Variants in SCLT1 observed in about 807,000 individuals in gnomAD.
The protein encoded by SCLT1 is sodium channel and clathrin linker 1.
In SCLT1, 78 loss-of-function variants were observed where a neutral mutation model predicts 112.8. The ratio of observed to expected loss-of-function variants is 0.69; its 90% confidence interval spans 0.58 to 0.83. The LOEUF (loss-of-function observed/expected upper bound fraction) is 0.83. Ranked by LOEUF, SCLT1 falls within the 40% of genes least tolerant of loss-of-function variation. SCLT1 has a pLI of 0.00. For missense variants in SCLT1, 747 were observed against 770.4 expected, an observed-to-expected ratio of 0.97 and a Z score of 0.36; for synonymous variants, 257 against 254.7, an observed-to-expected ratio of 1.01 and a Z score of -0.09.
intron 4 of SCLT1, chr4:129,041,660 G>A (rs796940795): frequency 4.6e-5 from 7 of 152,264 alleles, no homozygotes; most frequent in African/African-American, 1.7e-4. Context: ...AAAAAGAAAA[G>A]GAAGTAAGGG....
intron 15 of SCLT1, among the ~76,000 whole-genome samples, chr4:128,947,112 A>G (rs1383064425): frequency 6.6e-6 from 1 of 152,244 alleles, no homozygotes; most frequent in Non-Finnish European, 1.5e-5. Context: ...ACTGGAATAC[A>G]GATCTAAGCT....
At chr4:129,023,715 C>T (rs1003025645) in intron 5 of SCLT1, among the ~76,000 whole-genome samples, 10 of 152,228 alleles carry the variant, frequency 6.6e-5, no homozygotes, top group Admixed American at 2.0e-4. Context: ...GCACTGTGTG[C>T]GAGCTGAAGC....
chr4:128,883,553 G>GATA (rs1243926431), downstream of SCLT1, among the ~76,000 whole-genome samples: 1 of 151,996 alleles, frequency 6.6e-6, no homozygotes, highest in Non-Finnish European at 1.5e-5. Context: ...CTTAAAATAT[G>GATA]ATAATAATAA....
intron 1 of SCLT1, among the ~76,000 whole-genome samples, chr4:129,092,689 T>C (rs1431752978): frequency 6.6e-6 from 1 of 152,242 alleles, no homozygotes; most frequent in South Asian, 2.1e-4. Context: ...TCTTCCATAG[T>C]GTCTGGTACA....
intron 5 of SCLT1, among the ~76,000 whole-genome samples, chr4:129,027,319 C>A (rs763057887): frequency 1.3e-5 from 2 of 152,054 alleles, no homozygotes; most frequent in Admixed American, 6.6e-5. Context: ...ACTGGCAAAC[C>A]GAATCCAGCA....
At chr4:128,884,751 C>T (rs1732762172) in intron 20 of SCLT1, among the ~76,000 whole-genome samples, 1 of 152,140 alleles carries the variant, frequency 6.6e-6, no homozygotes. Flanking sequence ...GCCTTGACCT[C>T]CCAGGATCAA....
intron 2 of SCLT1, among the ~76,000 whole-genome samples, chr4:129,076,879 T>C (rs564840423): frequency 6.4e-4 from 97 of 152,056 alleles, no homozygotes; most frequent in Middle Eastern, 6.8e-3. Context: ...TTTACAACCC[T>C]GAAAAAAATC....
chr4:128,929,016 G>A (rs1736538960), intron 18 of SCLT1, among the ~76,000 whole-genome samples: 1 of 152,152 alleles, frequency 6.6e-6, no homozygotes, highest in South Asian at 2.1e-4. Flanking sequence ...TCCCTACTCT[G>A]TGCATTGCAT....
intron 10 of SCLT1, among the ~76,000 whole-genome samples, chr4:128,969,014 G>A (rs914126762): frequency 1.3e-5 from 2 of 152,198 alleles, no homozygotes; most frequent in African/African-American, 2.4e-5. Flanking sequence ...TCAGTATGCT[G>A]ATGCTTCAAT....
chr4:129,056,813 C>A (rs571774071), intron 2 of SCLT1, among the ~76,000 whole-genome samples: 1 of 152,120 alleles, frequency 6.6e-6, no homozygotes, highest in Non-Finnish European at 1.5e-5. Context: ...AATTTGGATG[C>A]GCTTTAATTT....
chr4:128,986,868 G>A (rs1560930657), intron 9 of SCLT1, among the ~76,000 whole-genome samples: 2 of 152,244 alleles, frequency 1.3e-5, no homozygotes, highest in East Asian at 1.9e-4. Flanking sequence ...GGATTCGGGT[G>A]TGACTCTGTG....
At chr4:129,021,718 T>C (rs1198805778) in intron 5 of SCLT1, among the ~76,000 whole-genome samples, 1 of 152,176 alleles carries the variant, frequency 6.6e-6, no homozygotes, top group Non-Finnish European at 1.5e-5. Context: ...GGGGCGGCTG[T>C]GGGCACAGCT....
chr4:129,040,130 A>C, intron 4 of SCLT1: 1 of 701,594 alleles, frequency 1.4e-6, no homozygotes, highest in East Asian at 2.7e-5. Context: ...AGATCAAGGA[A>C]GCTTGGTCTA....
At chr4:129,068,871 T>C (rs1750730834) in intron 2 of SCLT1, among the ~76,000 whole-genome samples, 1 of 152,220 alleles carries the variant, frequency 6.6e-6, no homozygotes, top group Non-Finnish European at 1.5e-5. Flanking sequence ...AGAAGGGTTG[T>C]TCCAATGTTA....
At chr4:129,044,127 G>A (rs1213657100) in intron 2 of SCLT1, 76 bp from the exon 3 acceptor site, 1 of 707,812 alleles carries the variant, frequency 1.4e-6, no homozygotes, top group Non-Finnish European at 2.5e-6. Flanking sequence ...AATATTAAAT[G>A]CAATTAAATT....
intron 1 of SCLT1, 113 bp from the exon 2 acceptor site, chr4:129,082,486 C>T: frequency 2.0e-6 from 1 of 499,876 alleles, no homozygotes; most frequent in South Asian, 4.4e-5. Flanking sequence ...GTCTTCACTG[C>T]TTCTCAAAAT....
intron 18 of SCLT1, among the ~76,000 whole-genome samples, chr4:128,912,213 C>A (rs1484826729): frequency 6.6e-6 from 1 of 151,926 alleles, no homozygotes; most frequent in Admixed American, 6.6e-5. Flanking sequence ...AATTAAAGAC[C>A]TAATTGGTTC....
At chr4:128,917,076 A>G (rs916257882) in intron 18 of SCLT1, among the ~76,000 whole-genome samples, 5 of 152,162 alleles carry the variant, frequency 3.3e-5, no homozygotes, top group African/African-American at 9.7e-5. Flanking sequence ...ACATCAGCCA[A>G]TCTAAAACTT....
chr4:128,895,740 T>C (rs763156668), intron 18 of SCLT1, among the ~76,000 whole-genome samples: 2 of 152,176 alleles, frequency 1.3e-5, no homozygotes, highest in African/African-American at 2.4e-5. Context: ...GGGCGAGGCA[T>C]TGCCTCACCT....
Sources: gnomAD v4.1 joint callset for allele counts (sites outside exome capture counted in the v4.1 genomes callset) on GRCh38, gnomAD v4.1.1 for gene constraint, MANE v1.5 for transcripts, NCBI Gene and HGNC (gene_info 2026-07-23, HGNC 2026-07-21) for gene names.